FGD6: variants seen among roughly 807,000 people sequenced by gnomAD.
FGD6 encodes the protein FYVE, RhoGEF and PH domain-containing protein 6.
In FGD6, 90 loss-of-function variants were observed where a neutral mutation model predicts 149.4. That is an observed-to-expected ratio of 0.60 (90% CI 0.51 to 0.72). The LOEUF (loss-of-function observed/expected upper bound fraction) is 0.72. Ranked by LOEUF, FGD6 falls within the 30% of genes least tolerant of loss-of-function variation. FGD6 has a pLI of 0.00. For synonymous variants in FGD6, 527 were observed against 584.0 expected, an observed-to-expected ratio of 0.90 and a Z score of 1.41; for missense variants, 1,437 against 1,684.8, an observed-to-expected ratio of 0.85 and a Z score of 2.57.
chr12:95,201,794 G>A (rs2056663739), intron 2 of FGD6, among the ~76,000 whole-genome samples: 1 of 151,922 alleles, frequency 6.6e-6, no homozygotes, highest in Admixed American at 6.6e-5. Context: ...TCATATCCTT[G>A]GCTAAATTTA....
chr12:95,183,855 C>G (rs201166902), intron 2 of FGD6, among the ~76,000 whole-genome samples: 1 of 152,054 alleles, frequency 6.6e-6, no homozygotes, highest in Non-Finnish European at 1.5e-5. Flanking sequence ...AAAACAACAA[C>G]AAAACAACCT....
chr12:95,178,317 G>A (rs1024525957), intron 2 of FGD6, among the ~76,000 whole-genome samples: 3 of 152,172 alleles, frequency 2.0e-5, no homozygotes, highest in Non-Finnish European at 4.4e-5. Context: ...TTTTAAGTAT[G>A]TGCAGAGCCA....
rs950939849 is a variant in FGD6 at position 95,079,251 on chromosome 12, C to G, written c.*2269G>C. 4 of 152,180 alleles carry G rather than the reference C, an allele frequency of 2.6e-5. No homozygotes were observed. The highest frequency in any genetic ancestry group is 9.6e-5 in the African/African-American group (4 of 41,454). The allele number at this position is 152,180 out of a possible 1,614,324, so 9.4% of individuals were successfully genotyped here. A position where few individuals can be genotyped will look rare whatever the true frequency, so the allele number is the denominator to read the frequency against. On this transcript the variant is annotated 3_prime_UTR_variant, in exon 21 of 21. Coordinates refer to ENST00000343958, the MANE Select transcript of FGD6 (RefSeq NM_018351.4). Reference sequence around the variant, plus strand: ...TTGGATAGCTTCCACAAAGACTACACATTTTTCTAAACCCTCCATGGGGCT... The same window carrying G: ...TTGGATAGCTTCCACAAAGACTACAGATTTTTCTAAACCCTCCATGGGGCT...
At position 95,210,419 on chromosome 12, in the gene FGD6, C is replaced by T. The variant is rs2056719338; in HGVS notation, c.865G>A (p.Val289Ile). The change falls in exon 2 of 21, where the codon GTT becomes ATT. Residue 289 changes from valine (V) to isoleucine (I), a missense_variant. Val to Ile is a conservative substitution (Grantham distance 29, BLOSUM62 3). Transcript: ENST00000343958. ...KRSTLISSDG[V>I]SKKSEVKDLG... is the part of the protein sequence containing the mutation. Reference sequence around the variant, plus strand: ...TCTTTGACTTCTGATTTCTTACTAACTCCATCTGAAGATATTAAAGTACTC... The same window carrying T: ...TCTTTGACTTCTGATTTCTTACTAATTCCATCTGAAGATATTAAAGTACTC... 1.2e-6 allele frequency: 2 copies of T among 1,614,108 alleles called. No individual in the cohort carries two copies. Among genetic ancestry groups the T allele is most frequent in the East Asian group, 2.2e-5 (1 of 44,890 alleles).
intron 2 of FGD6, among the ~76,000 whole-genome samples, chr12:95,186,228 C>CTT (rs1174763781): frequency 1.2e-3 from 45 of 38,980 alleles, no homozygotes; most frequent in Non-Finnish European, 2.0e-3. Context: ...TATTCTTCTT[C>CTT]TTTTTTTTTT....
intron 2 of FGD6, among the ~76,000 whole-genome samples, chr12:95,187,648 T>TC (rs200476464): frequency 0.023 from 2,965 of 126,232 alleles, 48 homozygotes; most frequent in South Asian, 0.072. Flanking sequence ...CGAGGCTGCG[T>TC]CCCCAAAAAA....
Position 95,079,286 on chromosome 12 carries a change from G to GCAT in FGD6, c.*2233_*2234insATG, listed in dbSNP as rs1467895183. On this transcript the variant is annotated 3_prime_UTR_variant, in exon 21 of 21. Transcript: ENST00000343958. ...AACCCTCCATGGGGCTAAGCCAATA[G>GCAT]GTAATACAGTCACATGCATTTTACA... The GCAT allele has an allele frequency of 4.6e-5, 7 of 152,168 alleles. No individual in the cohort carries two copies. The highest frequency in any genetic ancestry group is 1.3e-4 in the Admixed American group (2 of 15,262). The allele number at this position is 152,168 out of a possible 1,614,324, so 9.4% of individuals were successfully genotyped here. A position where few individuals can be genotyped will look rare whatever the true frequency, so the allele number is the denominator to read the frequency against.
At chr12:95,165,982 A>C (rs1185495752) in intron 3 of FGD6, among the ~76,000 whole-genome samples, 1 of 144,916 alleles carries the variant, frequency 6.9e-6, no homozygotes, top group Non-Finnish European at 1.5e-5. Context: ...TTTTTTTTCA[A>C]TAGGGTCTTG....
chr12:95,162,043 C>T (rs1295383380), intron 3 of FGD6, among the ~76,000 whole-genome samples: 1 of 144,562 alleles, frequency 6.9e-6, no homozygotes, highest in Non-Finnish European at 1.5e-5. Context: ...GCAGGAGGAT[C>T]ACTTGAGGCC....
chr12:95,113,228 A>G (rs1430924809), intron 9 of FGD6, among the ~76,000 whole-genome samples: 1 of 126,242 alleles, frequency 7.9e-6, no homozygotes. Flanking sequence ...GAAGGCCTCA[A>G]GTCTTTTTTT....
At chr12:95,203,751 T>C (rs1489493567) in intron 2 of FGD6, among the ~76,000 whole-genome samples, 4 of 152,240 alleles carry the variant, frequency 2.6e-5, no homozygotes, top group Non-Finnish European at 5.9e-5. Context: ...TTCTTTGAAA[T>C]ATTTATAATA....
rs534854122 is a variant in FGD6 at position 95,094,813 on chromosome 12, G to T, written c.3498-119C>A. ...CCCTCCAACAATACCAGTCAAAAAA[G>T]TAGCAACTCCTCAGAGTTGAGGCAG... On this transcript the variant is annotated intron_variant, in intron 14 of 20. Coordinates refer to ENST00000343958, the MANE Select transcript of FGD6 (RefSeq NM_018351.4). 1.6e-5 allele frequency: 11 copies of T among 699,850 alleles called. No homozygotes were observed. In the South Asian group the frequency reaches 1.9e-4, roughly 12 times the overall value. The allele number at this position is 699,850 out of a possible 1,614,324, so 43.4% of individuals were successfully genotyped here. A position where few individuals can be genotyped will look rare whatever the true frequency, so the allele number is the denominator to read the frequency against.
chr12:95,184,455 C>G (rs1881368629), intron 2 of FGD6, among the ~76,000 whole-genome samples: 1 of 152,184 alleles, frequency 6.6e-6, no homozygotes, highest in Non-Finnish European at 1.5e-5. Flanking sequence ...TCTTCAAGGT[C>G]TACTCTAGAC....
At chr12:95,159,660 C>T (rs746961222) in intron 3 of FGD6, among the ~76,000 whole-genome samples, 1 of 151,930 alleles carries the variant, frequency 6.6e-6, no homozygotes, top group Non-Finnish European at 1.5e-5. Flanking sequence ...AGGGTAAAAC[C>T]CTCTCTCTAC....
Position 95,126,134 on chromosome 12 carries a change from T to C in FGD6, c.3082+8605A>G, listed in dbSNP as rs1349205582. On this transcript the variant is annotated intron_variant, in intron 8 of 20. Coordinates refer to ENST00000343958, the MANE Select transcript of FGD6 (RefSeq NM_018351.4). ...AAATGAGGGACAGAATAATCAAGAA[T>C]GAAGTTAACAAGCTTCAAAAGGAAG... 15 of 1,038,974 alleles carry C rather than the reference T, an allele frequency of 1.4e-5. No homozygotes were observed. The East Asian group carries it at 3.3e-4, about 23-fold the overall frequency. The allele number at this position is 1,038,974 out of a possible 1,614,324, so 64.4% of individuals were successfully genotyped here. A position where few individuals can be genotyped will look rare whatever the true frequency, so the allele number is the denominator to read the frequency against.
chr12:95,083,012 A>AATATATATATATATATATATATAT (rs1555215600), intron 20 of FGD6, among the ~76,000 whole-genome samples: 16 of 20,020 alleles, frequency 8.0e-4, no homozygotes, highest in Admixed American at 1.1e-3. Flanking sequence ...AAAAAAAAAA[A>AATATATATATATATATATATATAT]ATATATATAT....
intron 2 of FGD6, among the ~76,000 whole-genome samples, chr12:95,206,026 C>CT (rs569794804): frequency 6.6e-6 from 1 of 152,154 alleles, no homozygotes; most frequent in Non-Finnish European, 1.5e-5. Flanking sequence ...CCATTAACCC[C>CT]TTCTCACCAG....
At chr12:95,157,392 C>T (rs1880503399) in intron 3 of FGD6, among the ~76,000 whole-genome samples, 1 of 151,896 alleles carries the variant, frequency 6.6e-6, no homozygotes, top group Non-Finnish European at 1.5e-5. Context: ...CATGGTGAAA[C>T]CCCGTCTCTA....
intron 2 of FGD6, among the ~76,000 whole-genome samples, chr12:95,196,494 T>C (rs1881740018): frequency 6.6e-6 from 1 of 151,942 alleles, no homozygotes; most frequent in African/African-American, 2.4e-5. Flanking sequence ...CCTCCCAAAG[T>C]GCTGGGATTA....
Sources: allele counts gnomAD v4.1 joint callset (sites outside exome capture counted in the v4.1 genomes callset), GRCh38; gene constraint gnomAD v4.1.1; transcripts MANE v1.5; gene names NCBI Gene and HGNC (gene_info 2026-07-23, HGNC 2026-07-21).